Variants in EPB41L4A observed in about 807,000 individuals in gnomAD.
The protein encoded by EPB41L4A is band 4.1-like protein 4A.
EPB41L4A carries 100 observed loss-of-function variants against 108.6 expected under a neutral mutation model. That is an observed-to-expected ratio of 0.92 (90% CI 0.78 to 1.09). The LOEUF (loss-of-function observed/expected upper bound fraction) is 1.09, where lower values mean the gene tolerates loss of function less well. Ranked by LOEUF, EPB41L4A falls within the 50% of genes least tolerant of loss-of-function variation. The pLI is 0.00. For synonymous variants in EPB41L4A, 319 were observed against 289.0 expected (o/e 1.10, Z -1.05); for missense variants, 1,030 against 842.7 (o/e 1.22, Z -2.75).
chr5:112,248,571 C>G (rs1468559146), intron 9 of EPB41L4A, among the ~76,000 whole-genome samples: 1 of 152,096 alleles, frequency 6.6e-6, no homozygotes, highest in Non-Finnish European at 1.5e-5. Context: ...CTCCATGGGT[C>G]TCTAGAGTAA....
chr5:112,189,838 C>T (rs558564103), intron 17 of EPB41L4A, among the ~76,000 whole-genome samples: 52 of 152,278 alleles, frequency 3.4e-4, no homozygotes, highest in African/African-American at 1.1e-3. Context: ...TCATCAATAG[C>T]ACAAAGGATA....
At chr5:112,317,621 G>C (rs1452322067) in intron 1 of EPB41L4A, among the ~76,000 whole-genome samples, 1 of 152,116 alleles carries the variant, frequency 6.6e-6, no homozygotes, top group East Asian at 1.9e-4. Context: ...CAATCATAGA[G>C]TTTTCTAGCG....
At chr5:112,404,166 AC>A (rs1446201927) in intron 1 of EPB41L4A, among the ~76,000 whole-genome samples, 2 of 152,238 alleles carry the variant, frequency 1.3e-5, no homozygotes, top group Admixed American at 1.3e-4. Context: ...GCACTATCTA[AC>A]TATATCATCT....
intron 9 of EPB41L4A, among the ~76,000 whole-genome samples, chr5:112,243,292 T>TTTTG (rs762346898): frequency 6.8e-6 from 1 of 147,266 alleles, no homozygotes; most frequent in Non-Finnish European, 1.5e-5. Context: ...TATATATATA[T>TTTTG]TTTGTTTGTT....
chr5:112,211,670 C>A (rs528383779), intron 12 of EPB41L4A, among the ~76,000 whole-genome samples: 1 of 151,832 alleles, frequency 6.6e-6, no homozygotes, highest in African/African-American at 2.4e-5. Flanking sequence ...GAGGACAAGA[C>A]AAGAGAAACA....
intron 1 of EPB41L4A, among the ~76,000 whole-genome samples, chr5:112,309,570 T>G (rs1754914893): frequency 6.6e-6 from 1 of 152,128 alleles, no homozygotes; most frequent in South Asian, 2.1e-4. Context: ...AAAATTCTAT[T>G]TAGGCTTTGT....
chr5:112,266,039 A>C (rs923599100), intron 5 of EPB41L4A, among the ~76,000 whole-genome samples, 194 bp downstream of exon 5: 6 of 152,224 alleles, frequency 3.9e-5, no homozygotes, highest in African/African-American at 1.4e-4. Context: ...ACCTACCATA[A>C]GGGATTTGTA....
At chr5:112,256,859 G>A (rs1751133237) in intron 9 of EPB41L4A, 1 of 152,028 alleles carries the variant, frequency 6.6e-6, no homozygotes, top group Non-Finnish European at 1.5e-5. Context: ...TTTCTTCTTT[G>A]CAGGGTATTT....
At chr5:112,152,206 AC>A (rs1451672668) in intron 12 of EPB41L4A, among the ~76,000 whole-genome samples, 35 of 152,184 alleles carry the variant, frequency 2.3e-4, no homozygotes, top group African/African-American at 8.2e-4. Flanking sequence ...AGAAAAAAAA[AC>A]ATAGAAGAAA....
intron 1 of EPB41L4A, among the ~76,000 whole-genome samples, chr5:112,396,047 A>T (rs567117199): frequency 6.6e-6 from 1 of 152,260 alleles, no homozygotes; most frequent in East Asian, 1.9e-4. Flanking sequence ...GGAACTGAAC[A>T]ATGAGAACAC....
At chr5:112,185,923 C>T (rs2150240992) in intron 17 of EPB41L4A, among the ~76,000 whole-genome samples, 1 of 152,160 alleles carries the variant, frequency 6.6e-6, no homozygotes, top group East Asian at 1.9e-4. Context: ...AGTCAGAAAC[C>T]CACAAGGCTT....
In EPB41L4A at chr5:112,152,835, G is replaced by A. The variant is rs555162129; in HGVS notation, n.994+5566C>T. ...ATTCTCGAAGCAAAAAAAATTACCAGATTCAAAGATTACATATTAATGGAA... is the reference window on the plus strand; with the variant it reads ...ATTCTCGAAGCAAAAAAAATTACCAAATTCAAAGATTACATATTAATGGAA... On this transcript the variant is annotated intron_variant and non_coding_transcript_variant, in intron 12 of 13. Transcript: ENST00000507810. Among the ~76,000 whole-genome samples the A allele has an allele frequency of 3.3e-5, 5 of 152,132 alleles. No individual in the cohort carries two copies. The East Asian group carries it at 7.7e-4, about 23-fold the overall frequency.
intron 2 of EPB41L4A, among the ~76,000 whole-genome samples, chr5:112,302,281 G>A (rs1269271134): frequency 1.3e-5 from 2 of 152,100 alleles, no homozygotes; most frequent in Non-Finnish European, 2.9e-5. Flanking sequence ...TGAGGCAGGA[G>A]GATCACTAGA....
chr5:112,153,464 G>A (rs1353580703), intron 12 of EPB41L4A, among the ~76,000 whole-genome samples: 5 of 151,400 alleles, frequency 3.3e-5, no homozygotes, highest in African/African-American at 1.2e-4. Context: ...GGGAGGCGGA[G>A]GTTGCAGTGA....
chr5:112,286,669 C>T (rs993016241), intron 2 of EPB41L4A, among the ~76,000 whole-genome samples: 1 of 152,166 alleles, frequency 6.6e-6, no homozygotes, highest in Non-Finnish European at 1.5e-5. Flanking sequence ...TAGGCTCATC[C>T]CTTTCTCATC....
rs2150263494 is a variant in EPB41L4A, at chr5:112,194,575, T to C, written c.1495A>G (p.Arg499Gly). 3 of 1,584,434 alleles carry C rather than the reference T, an allele frequency of 1.9e-6. No individual in the cohort carries two copies. The highest frequency in any genetic ancestry group is 4.5e-5 in the East Asian group (2 of 44,380). The change falls in exon 17 of 23, where the codon AGA (arginine) becomes GGA (glycine). Residue 499 changes from arginine to glycine, a missense_variant. Arg to Gly is a moderately radical substitution (Grantham distance 125). Transcript: ENST00000261486. ...ATAATATTGAGATATTACCTGTTTC[T>C]CTTTTTCCGGTATTCTCTATTAGAA... is the stretch of plus-strand genomic sequence containing the variant. Reference protein sequence around the residue: ...ENSNREYRKKRNRIRQENDMV... With the variant: ...ENSNREYRKKGNRIRQENDMV...
intron 2 of EPB41L4A, among the ~76,000 whole-genome samples, chr5:112,298,257 G>A (rs552847878): frequency 2.6e-5 from 4 of 152,126 alleles, no homozygotes; most frequent in African/African-American, 9.6e-5. Flanking sequence ...ACCCATCCAC[G>A]AACATGAAAT....
intron 12 of EPB41L4A, among the ~76,000 whole-genome samples, chr5:112,227,568 T>C (rs1360301280): frequency 6.6e-6 from 1 of 152,164 alleles, no homozygotes; most frequent in Non-Finnish European, 1.5e-5. Flanking sequence ...GTACATGGAT[T>C]ACTGAAGCTG....
At position 112,417,279 on chromosome 5, in the gene EPB41L4A, C is replaced by A. The variant is rs897392935; in HGVS notation, c.99+1662G>T. ...TCCCAAGTCCTGGCTGCTCTCTTGA[C>A]AGAATAATGTACACGCTCTACAGCT... On this transcript the variant is annotated intron_variant, in intron 1 of 22. Coordinates refer to ENST00000261486, the MANE Select transcript of EPB41L4A (RefSeq NM_022140.5). Among the ~76,000 whole-genome samples the A allele has an allele frequency of 2.0e-5, 3 of 152,302 alleles. No homozygotes were observed. The East Asian group carries it at 5.8e-4, about 29-fold the overall frequency.
Sources: gnomAD v4.1 joint callset for allele counts (sites outside exome capture counted in the v4.1 genomes callset) on GRCh38, gnomAD v4.1.1 for gene constraint, MANE v1.5 for transcripts, NCBI Gene and HGNC (gene_info 2026-07-23, HGNC 2026-07-21) for gene names.